ZNF562: variants seen among roughly 807,000 people sequenced by gnomAD.
ZNF562 encodes zinc finger protein 562.
ZNF562 carries 13 observed loss-of-function variants against 17.5 expected under a neutral mutation model. The ratio of observed to expected loss-of-function variants is 0.74; its 90% confidence interval spans 0.48 to 1.18. ZNF562 has a LOEUF of 1.18. Ranked by LOEUF, ZNF562 falls within the 50% of genes most tolerant of loss-of-function variation. ZNF562 has a pLI of 0.00. For missense variants in ZNF562, 481 were observed against 498.5 expected (o/e 0.96, Z 0.33); for synonymous variants, 163 against 165.4 (o/e 0.99, Z 0.11).
rs1002635704 is a variant in ZNF562, at chr19:9,644,466, G to C, written c.*8483C>G. 1 of 152,164 alleles carries C rather than the reference G, an allele frequency of 6.6e-6. No individual in the cohort carries two copies. Among genetic ancestry groups the C allele is most frequent in the Admixed American group, 6.5e-5 (1 of 15,274 alleles). 9.4% of individuals were successfully genotyped at this position (152,164 alleles called of 1,614,324 possible). ...TGTGAGTTTAGGTGCTGTGTTCCTT[G>C]TTGTTGTTACAGTGTGAGCCACCGT... is the stretch of plus-strand genomic sequence containing the variant. On this transcript the variant is annotated 3_prime_UTR_variant, in exon 6 of 6. Coordinates refer to ENST00000453372, the MANE Select transcript of ZNF562 (RefSeq NM_001130031.2).
At chr19:9,657,864 A>ATT in intron 4 of ZNF562, 145 bp downstream of exon 4, 1 of 1,150,726 alleles carries the variant, frequency 8.7e-7, no homozygotes, top group Non-Finnish European at 1.2e-6. Flanking sequence ...TATTCTTAGG[A>ATT]TTTTTTTTTA....
intron 2 of ZNF562, 62 bp downstream of exon 2, chr19:9,660,658 C>T (rs368601787): frequency 3.2e-6 from 5 of 1,566,634 alleles, no homozygotes; most frequent in Admixed American, 3.5e-5. Flanking sequence ...TCACTGGACT[C>T]TTATGTTGTG....
rs1491554264 is a variant in ZNF562, at chr19:9,645,071, CAG to C, written c.*7876_*7877del. 6.7e-6 allele frequency: 1 copy of C among 148,492 alleles called. No individual in the cohort carries two copies. The highest frequency in any genetic ancestry group is 1.5e-5 in the Non-Finnish European group (1 of 67,476). The allele number at this position is 148,492 out of a possible 1,614,324, so 9.2% of individuals were successfully genotyped here. On this transcript the variant is annotated 3_prime_UTR_variant, in exon 6 of 6. Transcript: ENST00000453372. ...CAGAATTTTTTTTTTTTTTTTGAGA[CAG>C]AGTCTCACACTGTCACCAGGCTGGA...
intron 5 of ZNF562, among the ~76,000 whole-genome samples, chr19:9,656,148 C>T (rs1323191008): frequency 3.9e-5 from 6 of 152,152 alleles, no homozygotes; most frequent in Non-Finnish European, 5.9e-5. Flanking sequence ...CAGATGTAAA[C>T]CACACCACTA....
intron 1 of ZNF562, among the ~76,000 whole-genome samples, chr19:9,672,284 C>A (rs936616241): frequency 6.6e-6 from 1 of 152,102 alleles, no homozygotes; most frequent in African/African-American, 2.4e-5. Context: ...CATTAGATGA[C>A]ATTATTATTT....
rs2145054079 is a variant in ZNF562, at chr19:9,671,891, A to C, written c.-131+3124T>G. Among the ~76,000 whole-genome samples, 4 of 152,306 alleles carry C rather than the reference A, an allele frequency of 2.6e-5. No individual in the cohort carries two copies. In the Middle Eastern group the frequency reaches 0.014, roughly 518 times the overall value. On this transcript the variant is annotated intron_variant, in intron 1 of 5. Coordinates refer to ENST00000453372, the MANE Select transcript of ZNF562 (RefSeq NM_001130031.2). ...AATGAACAACTAGTCATGGGACATGAAGTAACTAAGGCTGAACTGAGTAAT... is the reference window on the plus strand; with the variant it reads ...AATGAACAACTAGTCATGGGACATGCAGTAACTAAGGCTGAACTGAGTAAT...
intron 5 of ZNF562, 144 bp downstream of exon 5, chr19:9,656,403 G>A: frequency 2.6e-6 from 2 of 770,920 alleles, no homozygotes; most frequent in South Asian, 3.3e-5. Flanking sequence ...TAGCTACTCG[G>A]GAGGCTGAGG....
At chr19:9,669,997 C>T (rs972234481) in intron 1 of ZNF562, among the ~76,000 whole-genome samples, 5 of 151,962 alleles carry the variant, frequency 3.3e-5, no homozygotes, top group South Asian at 2.1e-4. Context: ...AGGAGGCGGA[C>T]GTTGCAGTGA....
chr19:9,659,361 G>A lies in ZNF562; in HGVS notation c.114+18C>T, dbSNP rs371408043. ...ATGTAAGTATGTCATTTTGTACAAC[G>A]GTACATTTTCTGTTTACCTGGTAAG... On this transcript the variant is annotated intron_variant, in intron 3 of 5. Coordinates refer to ENST00000453372, the MANE Select transcript of ZNF562 (RefSeq NM_001130031.2). 47 of 1,542,814 alleles carry A rather than the reference G, an allele frequency of 3.0e-5. No homozygotes were observed. The highest frequency in any genetic ancestry group is 2.7e-4 in the East Asian group (11 of 40,860).
chr19:9,662,448 A>T (rs922348647), intron 1 of ZNF562, among the ~76,000 whole-genome samples: 2 of 151,284 alleles, frequency 1.3e-5, no homozygotes, highest in Non-Finnish European at 3.0e-5. Context: ...GTGGCACACG[A>T]CTACTCAGAA....
chr19:9,665,893 C>T (rs1320024857), intron 1 of ZNF562, among the ~76,000 whole-genome samples: 4 of 151,648 alleles, frequency 2.6e-5, no homozygotes, highest in Non-Finnish European at 5.9e-5. Context: ...GCGTGCACCT[C>T]ACCTACTTAG....
rs2074801151 is a variant in ZNF562, at chr19:9,645,606, G to C, written c.*7343C>G. 6.6e-6 allele frequency: 1 copy of C among 152,210 alleles called. No individual in the cohort carries two copies. Among genetic ancestry groups the C allele is most frequent in the Admixed American group, 6.5e-5 (1 of 15,270 alleles). The allele number at this position is 152,210 out of a possible 1,614,324, so 9.4% of individuals were successfully genotyped here. ...AGGACTGGCTCACATAAAAAGGAGA[G>C]AGATTGCACCTTCAGAGAGTAATCT... is the stretch of plus-strand genomic sequence containing the variant. On this transcript the variant is annotated 3_prime_UTR_variant, in exon 6 of 6. Transcript: ENST00000453372.
chr19:9,662,166 C>A (rs2043774746), intron 1 of ZNF562, among the ~76,000 whole-genome samples: 1 of 152,182 alleles, frequency 6.6e-6, no homozygotes, highest in South Asian at 2.1e-4. Context: ...TGTTACCCCC[C>A]AGTATGACCA....
At chr19:9,665,807 G>T (rs1955956743) in intron 1 of ZNF562, among the ~76,000 whole-genome samples, 1 of 152,062 alleles carries the variant, frequency 6.6e-6, no homozygotes, top group South Asian at 2.1e-4. Flanking sequence ...TTGAGCTCAG[G>T]AGTTCAAGAC....
chr19:9,664,990 G>A (rs1421700711), intron 1 of ZNF562, among the ~76,000 whole-genome samples: 5 of 152,180 alleles, frequency 3.3e-5, no homozygotes, highest in Admixed American at 6.5e-5. Context: ...GGGAGGCCAA[G>A]GCAGGTGGCT....
chr19:9,659,221 G>A (rs2043632497), intron 3 of ZNF562, among the ~76,000 whole-genome samples, 158 bp downstream of exon 3: 1 of 152,204 alleles, frequency 6.6e-6, no homozygotes, highest in Admixed American at 6.6e-5. Context: ...ATGTATAGGA[G>A]ACTTCATTCC....
rs933677774 is a variant in ZNF562, at chr19:9,649,013, G to C, written c.*3936C>G. 1 of 152,218 alleles carries C rather than the reference G, an allele frequency of 6.6e-6. No homozygotes were observed. The highest frequency in any genetic ancestry group is 2.4e-5 in the African/African-American group (1 of 41,422). 9.4% of individuals were successfully genotyped at this position (152,218 alleles called of 1,614,324 possible). ...GCAGGACATTGTTGCAGGAAGTCAG[G>C]GACCCCAAACGGGGGGACTGGCTGA... On this transcript the variant is annotated 3_prime_UTR_variant, in exon 6 of 6. Transcript: ENST00000453372.
In ZNF562 at chr19:9,653,311, T is replaced by C; in HGVS notation, c.919A>G (p.Ile307Val). 1 of 1,614,218 alleles carries C rather than the reference T, an allele frequency of 6.2e-7. No individual in the cohort carries two copies. The highest frequency in any genetic ancestry group is 1.3e-5 in the African/African-American group (1 of 75,074). The change falls in exon 6 of 6, where the codon ATT becomes GTT. Residue 307 changes from isoleucine to valine, a missense_variant. Coordinates refer to ENST00000453372, the MANE Select transcript of ZNF562 (RefSeq NM_001130031.2). ...FRNSSSFNVH[I>V]QIHTGIKPHK... ...GGTTTTATTCCAGTGTGAATTTGAATGTGAACATTAAAGGATGAGGAATTT... is the reference window on the plus strand; with the variant it reads ...GGTTTTATTCCAGTGTGAATTTGAACGTGAACATTAAAGGATGAGGAATTT...
chr19:9,664,565 T>C (rs2043874636), intron 1 of ZNF562, among the ~76,000 whole-genome samples: 1 of 152,228 alleles, frequency 6.6e-6, no homozygotes, highest in Admixed American at 6.5e-5. Context: ...CAACATTATC[T>C]TGTACATTTC....
Sources: gnomAD v4.1 joint callset for allele counts (sites outside exome capture counted in the v4.1 genomes callset) on GRCh38, gnomAD v4.1.1 for gene constraint, MANE v1.5 for transcripts, NCBI Gene and HGNC (gene_info 2026-07-23, HGNC 2026-07-21) for gene names.